The following NHSL1 variants were observed in gnomAD, a reference collection of about 807,000 sequenced individuals.
NHSL1 encodes NHS like 1.
Under a neutral mutation model 95.0 loss-of-function variants are expected in NHSL1, and 48 were observed. The observed-to-expected ratio is 0.51, with a 90% CI of 0.40 to 0.64. The LOEUF (loss-of-function observed/expected upper bound fraction) is 0.64, where lower values mean the gene tolerates loss of function less well. NHSL1 is among the 30% of genes least tolerant of loss of function. The pLI is 0.00. For missense variants in NHSL1, 1,971 were observed against 2,077.7 expected, an observed-to-expected ratio of 0.95 and a Z score of 1.00; for synonymous variants, 783 against 833.9, an observed-to-expected ratio of 0.94 and a Z score of 1.05.
At position 138,496,295 on chromosome 6, in the gene NHSL1, G is replaced by C; in HGVS notation, c.135C>G (p.Phe45Leu). 1.9e-6 allele frequency: 3 copies of C among 1,550,964 alleles called. No homozygotes were observed. Among genetic ancestry groups the C allele is most frequent in the Non-Finnish European group, 2.6e-6 (3 of 1,146,902 alleles). ...CACAGGGGGGTCTTGTGGTGGGAAG[G>C]AACACATTCTCCTGCTGGTGCCACG... ...TAPWHQQENV[F>L]LPTTRPPCVE... The change falls in exon 2 of 8, where the codon TTC becomes TTG. Residue 45 changes from phenylalanine (F) to leucine (L), a missense_variant. Physicochemically the swap from Phe to Leu is conservative, Grantham distance 22. Transcript: ENST00000343505.
intron 1 of NHSL1, among the ~76,000 whole-genome samples, chr6:138,534,875 T>C (rs1208334474): frequency 6.6e-6 from 1 of 152,230 alleles, no homozygotes; most frequent in Non-Finnish European, 1.5e-5. Context: ...GCTGGGACTG[T>C]AGTTCGGCAG....
intron 1 of NHSL1, among the ~76,000 whole-genome samples, chr6:138,649,450 A>AT (rs11285498): frequency 0.032 from 4,661 of 146,620 alleles, 248 homozygotes; most frequent in African/African-American, 0.11. Context: ...AGGGAATTCT[A>AT]TTTTTTTTTT....
At chr6:138,593,285 C>A (rs890284125) in intron 1 of NHSL1, among the ~76,000 whole-genome samples, 1 of 152,214 alleles carries the variant, frequency 6.6e-6, no homozygotes, top group African/African-American at 2.4e-5. Context: ...CCAGTCCAGG[C>A]TCTGCCCACT....
In NHSL1 at chr6:138,431,958, G is replaced by C; in HGVS notation, c.2387C>G (p.Pro796Arg). 1 of 1,551,748 alleles carries C rather than the reference G, an allele frequency of 6.4e-7. No individual in the cohort carries two copies. The highest frequency in any genetic ancestry group is 2.4e-5 in the East Asian group (1 of 40,918). Reference sequence around the variant, plus strand: ...ACTGCTGGTTGAACAGCCCCCTGCCGGGTTCCCCGGATCTTCCTGCATGCC... The same window carrying C: ...ACTGCTGGTTGAACAGCCCCCTGCCCGGTTCCCCGGATCTTCCTGCATGCC... ...YTGMQEDPGN[P>R]AGGCSTSSGV... Residue 796 changes from proline (P) to arginine (R), a missense_variant, in exon 6 of 8, where the codon CCG becomes CGG. Pro to Arg is a moderately radical substitution (Grantham distance 103, BLOSUM62 -2). Around this residue, in one of 3 missense-constraint regions of NHSL1, gnomAD observed 1,602 missense variants for 1,654.5 expected, o/e 0.97. Transcript: ENST00000343505. The surrounding 1 kb of genome is among the most constrained non-coding windows in gnomAD (Gnocchi z 4.0).
chr6:138,510,963 AGGGCAATACAATT>A (rs1330548399), intron 1 of NHSL1, among the ~76,000 whole-genome samples: 2 of 152,200 alleles, frequency 1.3e-5, no homozygotes, highest in Non-Finnish European at 2.9e-5. Context: ...CTGTTATTAG[AGGGCAATACAATT>A]GGGCACAGAT....
At chr6:138,566,237 A>AAAATAT (rs1249729931) in intron 1 of NHSL1, among the ~76,000 whole-genome samples, 2 of 151,976 alleles carry the variant, frequency 1.3e-5, no homozygotes, top group South Asian at 2.1e-4. Context: ...GTCTCTACTA[A>AAAATAT]AAATATAAAA....
chr6:138,592,237 C>A (rs1249824357), intron 1 of NHSL1, among the ~76,000 whole-genome samples: 3 of 152,246 alleles, frequency 2.0e-5, no homozygotes, highest in Middle Eastern at 3.4e-3. Context: ...GTCAATTTAG[C>A]CTGCATGAAA....
rs139566934 is a variant in NHSL1 at position 138,475,197 on chromosome 6, T to C, written c.212-1764A>G. ...TTATTCTCACTCTACAGAGATAATG[T>C]TATATAAAACATGATTAGTAGTTTT... is the stretch of plus-strand genomic sequence containing the variant. On this transcript the variant is annotated intron_variant, in intron 2 of 7. Coordinates refer to ENST00000343505, the MANE Select transcript of NHSL1 (RefSeq NM_001144060.2). 2.4e-3 allele frequency among the ~76,000 whole-genome samples: 362 copies of C among 151,946 alleles called. 10 individuals are homozygous for C. The East Asian group carries it at 0.062, about 26-fold the overall frequency.
intron 1 of NHSL1, among the ~76,000 whole-genome samples, chr6:138,615,020 GGCAAATGGCAAA>G (rs1320959504): frequency 6.7e-6 from 1 of 150,320 alleles, no homozygotes; most frequent in East Asian, 2.0e-4. Flanking sequence ...TCACAAAGCT[GGCAAATGGCAAA>G]GCTGGAATTT....
At chr6:138,574,869 AT>A (rs1023625138), upstream of NHSL1, among the ~76,000 whole-genome samples, 3 of 151,936 alleles carry the variant, frequency 2.0e-5, no homozygotes, top group African/African-American at 7.2e-5. Flanking sequence ...ATAAATAAAA[AT>A]AAAAAATTAT....
chr6:138,622,387 C>T (rs1309086007), intron 1 of NHSL1, among the ~76,000 whole-genome samples: 1 of 151,984 alleles, frequency 6.6e-6, no homozygotes, highest in Non-Finnish European at 1.5e-5. Flanking sequence ...GCCTGTAGTC[C>T]CAGCTGCTGG....
At chr6:138,594,540 T>C (rs899718636) in intron 1 of NHSL1, among the ~76,000 whole-genome samples, 13 of 152,124 alleles carry the variant, frequency 8.5e-5, no homozygotes, top group African/African-American at 3.1e-4. Context: ...TACATCAGAA[T>C]CACCTAGGGA....
intron 1 of NHSL1, among the ~76,000 whole-genome samples, chr6:138,532,567 G>T (rs1167685393): frequency 6.6e-6 from 1 of 152,026 alleles, no homozygotes; most frequent in Non-Finnish European, 1.5e-5. Context: ...GAGAGAAAGA[G>T]GGTTCCTAGT....
chr6:138,557,627 A>C (rs1783242361), intron 1 of NHSL1, among the ~76,000 whole-genome samples: 1 of 152,272 alleles, frequency 6.6e-6, no homozygotes, highest in South Asian at 2.1e-4. Flanking sequence ...AGGTCCAATG[A>C]CTAGTCACAG....
At chr6:138,683,465 G>A (rs147068701) in intron 1 of NHSL1, among the ~76,000 whole-genome samples, 1 of 152,324 alleles carries the variant, frequency 6.6e-6, no homozygotes, top group East Asian at 1.9e-4. Context: ...TGTGCCAGGC[G>A]CTGTGCTAAG....
intron 1 of NHSL1, among the ~76,000 whole-genome samples, chr6:138,556,983 T>C (rs1783215908): frequency 6.6e-6 from 1 of 152,102 alleles, no homozygotes; most frequent in Non-Finnish European, 1.5e-5. Context: ...TTAGAGAAAG[T>C]GGTTAATGGT....
intron 2 of NHSL1, among the ~76,000 whole-genome samples, chr6:138,477,002 T>A (rs1206491659): frequency 6.6e-6 from 1 of 150,644 alleles, no homozygotes; most frequent in Non-Finnish European, 1.5e-5. Flanking sequence ...TCAATAGTTT[T>A]ACATACCAAA....
At chr6:138,483,348 G>A (rs951694560) in intron 2 of NHSL1, among the ~76,000 whole-genome samples, 1 of 152,202 alleles carries the variant, frequency 6.6e-6, no homozygotes, top group Admixed American at 6.5e-5. Flanking sequence ...ACTTAAAAGG[G>A]AACATAGGAT....
At chr6:138,559,886 C>T (rs994160056) in intron 1 of NHSL1, among the ~76,000 whole-genome samples, 2 of 152,182 alleles carry the variant, frequency 1.3e-5, no homozygotes, top group Non-Finnish European at 2.9e-5. Context: ...GCATGCCATG[C>T]ATATATGCCA....
Sources: gnomAD v4.1 joint callset for allele counts (sites outside exome capture counted in the v4.1 genomes callset) on GRCh38, gnomAD v4.1.1 for gene constraint, gnomAD v4.1.1 regional missense constraint, Gnocchi (gnomAD v3.1) non-coding constraint, MANE v1.5 for transcripts, NCBI Gene and HGNC (gene_info 2026-07-23, HGNC 2026-07-21) for gene names.